The following CMSS1 variants were observed in gnomAD, a reference collection of about 807,000 sequenced individuals.
The protein encoded by CMSS1 is cms1 ribosomal small subunit homolog.
A neutral mutation model predicts 43.5 loss-of-function variants in CMSS1; 33 were observed. That is an observed-to-expected ratio of 0.76 (90% CI 0.57 to 1.01). The LOEUF (loss-of-function observed/expected upper bound fraction) is 1.01. Among genes scored for constraint, CMSS1 ranks in the 50% least tolerant of loss-of-function variants. The pLI is 0.00. For missense variants in CMSS1, 313 were observed against 326.4 expected (o/e 0.96, Z 0.32); for synonymous variants, 115 against 117.2 (o/e 0.98, Z 0.12).
In CMSS1 at chr3:100,087,056, A is replaced by T. The variant is rs1202396752; in HGVS notation, c.65-59917A>T. 5.9e-5 allele frequency among the ~76,000 whole-genome samples: 9 copies of T among 152,216 alleles called. No individual in the cohort carries two copies. In the East Asian group the frequency reaches 1.5e-3, roughly 26 times the overall value. On this transcript the variant is annotated intron_variant, in intron 1 of 9. Coordinates refer to ENST00000421999, the MANE Select transcript of CMSS1 (RefSeq NM_032359.4). ...GTTTGTTCCTTTTTGCTGCTGTTTAATGTGCTGTCATACAGCTGTACCATA... is the reference window on the plus strand; with the variant it reads ...GTTTGTTCCTTTTTGCTGCTGTTTATTGTGCTGTCATACAGCTGTACCATA...
intron 6 of CMSS1, among the ~76,000 whole-genome samples, chr3:100,168,863 T>TTATA (rs397816245): frequency 2.7e-3 from 395 of 146,104 alleles, no homozygotes; most frequent in Middle Eastern, 7.2e-3. Context: ...AGATTACAAA[T>TTATA]TATATATATA....
rs186421914 is a variant in CMSS1 at position 99,823,944 on chromosome 3, C to G, written c.64+5901C>G. ...TTCTTTCTTTTTTTTTTTTTTTGAG[C>G]TGGAGTCTCGCCCTGTCACCCAGGC... On this transcript the variant is annotated intron_variant, in intron 1 of 9. Transcript: ENST00000421999. Among the ~76,000 whole-genome samples the G allele has an allele frequency of 7.1e-3, 1,025 of 143,624 alleles. 18 individuals carry two copies. The highest frequency in any genetic ancestry group is 0.024 in the African/African-American group (942 of 38,636). 94.2% of individuals were successfully genotyped at this position (143,624 alleles called of 152,430 possible).
rs755339453 is a variant in CMSS1, at chr3:99,850,849, A to G, written c.64+32806A>G. 1.9e-6 allele frequency: 3 copies of G among 1,613,958 alleles called. No homozygotes were observed. The highest frequency in any genetic ancestry group is 2.7e-5 in the African/African-American group (2 of 74,882). ...TTCCTCCTGAACTCTGGCTTCAGCA[A>G]GGGCTAGTTTGGTATGTGTTTCCTT... On this transcript the variant is annotated intron_variant, in intron 1 of 9. Coordinates refer to ENST00000421999, the MANE Select transcript of CMSS1 (RefSeq NM_032359.4).
intron 1 of CMSS1, among the ~76,000 whole-genome samples, chr3:100,086,325 G>A (rs2066007493): frequency 6.6e-6 from 1 of 152,090 alleles, no homozygotes; most frequent in African/African-American, 2.4e-5. Flanking sequence ...GTACTTGTTT[G>A]GACATCAATA....
At chr3:99,860,485 G>A (rs1944191221) in intron 1 of CMSS1, among the ~76,000 whole-genome samples, 1 of 152,136 alleles carries the variant, frequency 6.6e-6, no homozygotes, top group Non-Finnish European at 1.5e-5. Flanking sequence ...AGCAGAAAAA[G>A]GAGCAAAGTA....
At chr3:99,822,004 C>T (rs1942448267) in intron 1 of CMSS1, among the ~76,000 whole-genome samples, 1 of 152,048 alleles carries the variant, frequency 6.6e-6, no homozygotes, top group Non-Finnish European at 1.5e-5. Context: ...CAAGATCGCA[C>T]CACTGCACTC....
intron 2 of CMSS1, among the ~76,000 whole-genome samples, chr3:100,155,122 A>G (rs2066959559): frequency 6.6e-6 from 1 of 152,214 alleles, no homozygotes; most frequent in Admixed American, 6.5e-5. Context: ...GACATAATCT[A>G]CTGACATCCT....
intron 4 of CMSS1, among the ~76,000 whole-genome samples, chr3:100,164,435 T>A (rs1443643231): frequency 6.6e-6 from 1 of 152,176 alleles, no homozygotes; most frequent in African/African-American, 2.4e-5. Flanking sequence ...AAGGAGTCAT[T>A]TGAGTTCCAT....
intron 1 of CMSS1, among the ~76,000 whole-genome samples, chr3:100,017,992 G>T (rs1576644675): frequency 6.6e-6 from 1 of 152,020 alleles, no homozygotes; most frequent in Admixed American, 6.6e-5. Context: ...TCTGAGAAGG[G>T]TATTCAGGAG....
At chr3:100,172,666 A>C (rs968700483) in intron 8 of CMSS1, among the ~76,000 whole-genome samples, 1 of 152,214 alleles carries the variant, frequency 6.6e-6, no homozygotes, top group Non-Finnish European at 1.5e-5. Flanking sequence ...GTGGTTCCAC[A>C]TAGCCTTCAT....
intron 1 of CMSS1, among the ~76,000 whole-genome samples, chr3:99,833,946 A>G (rs1942791475): frequency 6.6e-6 from 1 of 152,244 alleles, no homozygotes; most frequent in South Asian, 2.1e-4. Flanking sequence ...AGCAATGATG[A>G]TGGATATGGT....
intron 1 of CMSS1, among the ~76,000 whole-genome samples, chr3:99,922,099 G>A (rs1294100307): frequency 1.3e-5 from 2 of 152,134 alleles, no homozygotes; most frequent in East Asian, 3.8e-4. Context: ...AATGTGGTAA[G>A]CCCCCTGGGC....
intron 1 of CMSS1, among the ~76,000 whole-genome samples, chr3:100,099,549 A>G (rs1409856213): frequency 6.6e-6 from 1 of 152,188 alleles, no homozygotes; most frequent in East Asian, 1.9e-4. Context: ...ATCCTTAACT[A>G]AGTCATTTAA....
chr3:100,053,172 A>C (rs547040827), intron 1 of CMSS1, among the ~76,000 whole-genome samples: 30 of 152,294 alleles, frequency 2.0e-4, no homozygotes, highest in African/African-American at 7.2e-4. Context: ...CACCATAGCA[A>C]GCCTTCTGCC....
chr3:100,146,465 C>G (rs1421184415), intron 1 of CMSS1, among the ~76,000 whole-genome samples: 1 of 152,140 alleles, frequency 6.6e-6, no homozygotes, highest in East Asian at 1.9e-4. Context: ...GGTGTGTGAC[C>G]TTGGGCAAAT....
chr3:100,008,933 A>G (rs1181399193), intron 1 of CMSS1, among the ~76,000 whole-genome samples: 1 of 152,246 alleles, frequency 6.6e-6, no homozygotes, highest in Non-Finnish European at 1.5e-5. Flanking sequence ...TGGAACACCT[A>G]TAAATATAGG....
chr3:99,986,278 AC>A (rs1182065191), intron 1 of CMSS1, among the ~76,000 whole-genome samples: 1 of 152,214 alleles, frequency 6.6e-6, no homozygotes, highest in Non-Finnish European at 1.5e-5. Flanking sequence ...TGTCCCAGGA[AC>A]AGGTGTTTTT....
At chr3:99,994,421 A>G (rs529050689) in intron 1 of CMSS1, among the ~76,000 whole-genome samples, 5 of 152,346 alleles carry the variant, frequency 3.3e-5, no homozygotes, top group South Asian at 2.1e-4. Context: ...CTTACCAGTA[A>G]CTACAGAACA....
At chr3:99,998,864 C>G (rs538991818) in intron 1 of CMSS1, among the ~76,000 whole-genome samples, 2 of 152,150 alleles carry the variant, frequency 1.3e-5, no homozygotes, top group Admixed American at 6.5e-5. Context: ...CCACCGCGCC[C>G]GGCCATGGTT....
Sources: allele counts gnomAD v4.1 joint callset (sites outside exome capture counted in the v4.1 genomes callset), GRCh38; gene constraint gnomAD v4.1.1; transcripts MANE v1.5; gene names NCBI Gene and HGNC (gene_info 2026-07-23, HGNC 2026-07-21).